Variants in HIVEP1 observed in about 807,000 individuals in gnomAD.
HIVEP1 encodes the protein HIVEP zinc finger 1.
A neutral mutation model predicts 180.0 loss-of-function variants in HIVEP1; 36 were observed. The observed-to-expected ratio is 0.20, with a 90% CI of 0.15 to 0.26. The LOEUF (loss-of-function observed/expected upper bound fraction) is 0.26, where lower values mean the gene tolerates loss of function less well. Among genes scored for constraint, HIVEP1 ranks in the 10% least tolerant of loss-of-function variants. HIVEP1 has a pLI of 1.00. For synonymous variants in HIVEP1, 1,239 were observed against 1,239.0 expected (o/e 1.00, Z 0.00); for missense variants, 3,143 against 3,268.7 (o/e 0.96, Z 0.94).
Position 12,122,641 on chromosome 6 carries a change from A to G in HIVEP1, c.2846A>G (p.Lys949Arg). The change falls in exon 4 of 9, where the codon AAG (lysine) becomes AGG (arginine). Residue 949 changes from lysine to arginine, a missense_variant. Transcript: ENST00000379388. ...GCACAAGGCCCACATATAGAAAAAA[A>G]GAAGTCTCATCAAGGGCGAGGGACA... ...ALAQGPHIEK[K>R]KSHQGRGTMF... is the part of the protein sequence containing the mutation. 1 of 1,613,802 alleles carries G rather than the reference A, an allele frequency of 6.2e-7. No homozygotes were observed.
intron 2 of HIVEP1, among the ~76,000 whole-genome samples, chr6:12,037,118 A>G (rs1041801297): frequency 1.3e-5 from 2 of 152,202 alleles, no homozygotes; most frequent in Admixed American, 6.5e-5. Context: ...CTTAACAGTC[A>G]GGAGCAGTGA....
At chr6:12,013,655 G>A (rs1453574590) in intron 1 of HIVEP1, among the ~76,000 whole-genome samples, 1 of 152,214 alleles carries the variant, frequency 6.6e-6, no homozygotes, top group Admixed American at 6.5e-5. Flanking sequence ...AACAACGAAC[G>A]TAGTTAAGCA....
intron 2 of HIVEP1, among the ~76,000 whole-genome samples, chr6:12,086,994 A>G (rs1055323615): frequency 1.3e-5 from 2 of 152,102 alleles, no homozygotes; most frequent in African/African-American, 4.8e-5. Context: ...TTGTAATAAA[A>G]CTTGCCCAAA....
At chr6:12,010,808 T>C (rs762419784), upstream of HIVEP1, among the ~76,000 whole-genome samples, 1 of 152,152 alleles carries the variant, frequency 6.6e-6, no homozygotes, top group Non-Finnish European at 1.5e-5. Context: ...GGATTTCCAC[T>C]CCTTGCTTTC....
rs772544631 is a variant in HIVEP1, at chr6:12,125,559, T to C, written c.5764T>C (p.Leu1922=). The stretch of plus-strand genomic sequence containing the variant: ...TCAACAGCCAGTCACTTCTCTTTCA[T>C]TGTTTAACATCAAGGACACCCAGCA... ...QSQQPVTSLS[L]FNIKDTQQLA... Residue 1922 remains leucine (L), a synonymous_variant, in exon 4 of 9, where the codon TTG becomes CTG. Coordinates refer to ENST00000379388, the MANE Select transcript of HIVEP1 (RefSeq NM_002114.4). 3.1e-6 allele frequency: 5 copies of C among 1,614,100 alleles called. No individual in the cohort carries two copies. The highest frequency in any genetic ancestry group is 4.2e-6 in the Non-Finnish European group (5 of 1,180,038).
chr6:12,166,832 A>G (rs1760710152), downstream of HIVEP1, among the ~76,000 whole-genome samples: 1 of 152,214 alleles, frequency 6.6e-6, no homozygotes, highest in African/African-American at 2.4e-5. Context: ...AAGATAATTT[A>G]TTGACAAAAC....
Position 12,121,781 on chromosome 6 carries a change from C to T in HIVEP1, c.1986C>T (p.Leu662=). The T allele has an allele frequency of 6.2e-7, 1 of 1,614,148 alleles. No homozygotes were observed. The change falls in exon 4 of 9, where the codon CTC becomes CTT. Residue 662 remains leucine (L), a synonymous_variant. Coordinates refer to ENST00000379388, the MANE Select transcript of HIVEP1 (RefSeq NM_002114.4). The surrounding 1 kb of genome is among the most constrained non-coding windows in gnomAD (Gnocchi z 5.3). ...ACTCCCAAGAGCAGCAAGGAAAGCT[C>T]CTGAGTCCTCGAAGTTTAGGAAGTA... is the stretch of plus-strand genomic sequence containing the variant. ...TDYSQEQQGK[L]LSPRSLGSTD...
the HIVEP1 span, among the ~76,000 whole-genome samples, chr6:12,201,203 G>A: frequency 6.6e-6 from 1 of 152,208 alleles, no homozygotes; most frequent in Admixed American, 6.5e-5. Context: ...AAGGCTGGTT[G>A]CAATGGCTCA....
the HIVEP1 span, among the ~76,000 whole-genome samples, chr6:12,202,455 G>A: frequency 2.6e-5 from 4 of 152,058 alleles, no homozygotes; most frequent in South Asian, 2.1e-4. Flanking sequence ...TTGTTATTTT[G>A]AGAGATTATT....
At chr6:12,015,885 A>G (rs180858865) in intron 2 of HIVEP1, among the ~76,000 whole-genome samples, 7 of 152,234 alleles carry the variant, frequency 4.6e-5, no homozygotes, top group Non-Finnish European at 1.5e-5. Context: ...ACGAAATTAC[A>G]GTGCATTCCT....
chr6:12,010,529 G>T (rs747403498), upstream of HIVEP1, among the ~76,000 whole-genome samples: 30 of 152,232 alleles, frequency 2.0e-4, no homozygotes, highest in South Asian at 8.3e-4. Context: ...TGCACAGATG[G>T]CCAGCTGTCT....
At chr6:12,172,571 CAAG>C in the HIVEP1 span, among the ~76,000 whole-genome samples, 2 of 151,972 alleles carry the variant, frequency 1.3e-5, no homozygotes, top group African/African-American at 4.8e-5. Context: ...CTTAAACTAA[CAAG>C]ATATTAGATT....
chr6:12,018,320 A>G (rs11962133), intron 2 of HIVEP1, among the ~76,000 whole-genome samples: 4,447 of 152,264 alleles, frequency 0.029, 214 homozygotes, highest in African/African-American at 0.1. Context: ...GGGCCATCCC[A>G]GGAAGGGGAT....
At chr6:12,193,388 C>T in the HIVEP1 span, among the ~76,000 whole-genome samples, 2 of 152,122 alleles carry the variant, frequency 1.3e-5, no homozygotes, top group Non-Finnish European at 1.5e-5. Flanking sequence ...AGGATGATTA[C>T]AGAATCAATG....
At chr6:12,199,056 T>C in the HIVEP1 span, among the ~76,000 whole-genome samples, 1 of 152,206 alleles carries the variant, frequency 6.6e-6, no homozygotes, top group Non-Finnish European at 1.5e-5. Context: ...CAGGCAGCAG[T>C]CACTGTGCCA....
chr6:12,048,320 A>G (rs1375870037), intron 2 of HIVEP1, among the ~76,000 whole-genome samples: 1 of 152,218 alleles, frequency 6.6e-6, no homozygotes, highest in Non-Finnish European at 1.5e-5. Context: ...TAGATAAGGG[A>G]AAGAACATTT....
chr6:12,065,694 T>TGTGC (rs1554137755), intron 2 of HIVEP1, among the ~76,000 whole-genome samples: 3 of 60,362 alleles, frequency 5.0e-5, no homozygotes, highest in Admixed American at 1.7e-4. Flanking sequence ...TGTGTGTGCG[T>TGTGC]GTGTGTGTGT....
the HIVEP1 span, among the ~76,000 whole-genome samples, chr6:12,183,458 G>A: frequency 4.6e-5 from 7 of 152,308 alleles, no homozygotes; most frequent in Non-Finnish European, 1.0e-4. Context: ...GCTACGTTAT[G>A]GAGTTCTTGG....
At chr6:12,049,915 A>T (rs953471293) in intron 2 of HIVEP1, among the ~76,000 whole-genome samples, 22 of 152,230 alleles carry the variant, frequency 1.4e-4, no homozygotes, top group Admixed American at 1.4e-3. Context: ...CATTAAAATG[A>T]AGATGAAAAA....
Sources: allele counts gnomAD v4.1 joint callset (sites outside exome capture counted in the v4.1 genomes callset), GRCh38; gene constraint gnomAD v4.1.1; non-coding constraint Gnocchi (gnomAD v3.1); transcripts MANE v1.5; gene names NCBI Gene and HGNC (gene_info 2026-07-23, HGNC 2026-07-21).